MCTP1: variants seen among roughly 807,000 people sequenced by gnomAD.
MCTP1 encodes the protein multiple C2 and transmembrane domain containing 1, also known as multiple C2 and transmembrane domain-containing protein 1.
In MCTP1, 69 loss-of-function variants were observed where a neutral mutation model predicts 120.6. That is an observed-to-expected ratio of 0.57 (90% CI 0.47 to 0.70). MCTP1 has a LOEUF of 0.70. Among genes scored for constraint, MCTP1 ranks in the 30% least tolerant of loss-of-function variants. MCTP1 has a pLI of 0.00. For missense variants in MCTP1, 1,203 were observed against 1,248.8 expected (o/e 0.96, Z 0.55); for synonymous variants, 529 against 493.1 (o/e 1.07, Z -0.96).
Position 94,827,565 on chromosome 5 carries a change from A to C in MCTP1, c.2437-28433T>G, listed in dbSNP as rs114691302. On this transcript the variant is annotated intron_variant, in intron 17 of 22. Transcript: ENST00000515393. ...CCCAATATCCCGAAGTGTATTTTCC[A>C]ACTTGGTTGCATTTTCCATGTCACC... Among the ~76,000 whole-genome samples, 648 of 152,248 alleles carry C rather than the reference A, an allele frequency of 4.3e-3. 5 individuals are homozygous for C. The highest frequency in any genetic ancestry group is 0.015 in the African/African-American group (626 of 41,532).
intron 1 of MCTP1, among the ~76,000 whole-genome samples, chr5:95,061,409 T>TTGG: frequency 1.8e-4 from 1 of 5,508 alleles, no homozygotes; most frequent in Non-Finnish European, 3.4e-4. Flanking sequence ...CCCTTAAGGG[T>TTGG]TTTTTTTTTT....
At chr5:94,931,246 T>C (rs1223416272) in intron 6 of MCTP1, 1 of 152,162 alleles carries the variant, frequency 6.6e-6, no homozygotes, top group Non-Finnish European at 1.5e-5. Context: ...AAAGGAATAC[T>C]GACTCTAAGT....
Position 95,193,782 on chromosome 5 carries a change from A to T in MCTP1, c.720+90074T>A, listed in dbSNP as rs146705326. ...ACATATGGATATCACAGGAGTGGTGACAGGTAGATAAAATTTATCACTTTT... is the reference window on the plus strand; with the variant it reads ...ACATATGGATATCACAGGAGTGGTGTCAGGTAGATAAAATTTATCACTTTT... On this transcript the variant is annotated intron_variant, in intron 1 of 22. Coordinates refer to ENST00000515393, the MANE Select transcript of MCTP1 (RefSeq NM_024717.7). Among the ~76,000 whole-genome samples the T allele has an allele frequency of 1.4e-3, 211 of 152,346 alleles. 1 individual carries two copies. Among genetic ancestry groups the T allele is most frequent in the African/African-American group, 4.7e-3 (194 of 41,592 alleles).
chr5:94,917,028 T>C (rs1344564051), intron 8 of MCTP1, among the ~76,000 whole-genome samples: 5 of 152,222 alleles, frequency 3.3e-5, no homozygotes, highest in African/African-American at 7.2e-5. Context: ...TAGGGAAGCA[T>C]ATTGGTCTAG....
chr5:94,761,524 T>G (rs1434499319), intron 19 of MCTP1, among the ~76,000 whole-genome samples: 3 of 152,200 alleles, frequency 2.0e-5, no homozygotes, highest in African/African-American at 7.2e-5. Context: ...TGAAGGCACC[T>G]TGTTTGTATA....
chr5:95,019,277 T>C (rs942743680), intron 1 of MCTP1, among the ~76,000 whole-genome samples: 2 of 152,110 alleles, frequency 1.3e-5, no homozygotes, highest in Non-Finnish European at 2.9e-5. Flanking sequence ...CCTTTTGTTT[T>C]GTTTTGTGGT....
At chr5:94,979,812 G>A (rs930675620) in intron 2 of MCTP1, among the ~76,000 whole-genome samples, 1 of 151,948 alleles carries the variant, frequency 6.6e-6, no homozygotes, top group Non-Finnish European at 1.5e-5. Flanking sequence ...CATAATAAGA[G>A]CAAGAAAAAC....
chr5:94,851,130 A>G (rs913380413), intron 17 of MCTP1, among the ~76,000 whole-genome samples: 1 of 152,134 alleles, frequency 6.6e-6, no homozygotes, highest in African/African-American at 2.4e-5. Flanking sequence ...ATTCTCACTA[A>G]TCTATAAAAC....
rs548070922 is a variant in MCTP1 at position 94,714,812 on chromosome 5, T to C, written c.2685A>G (p.Leu895=). 45 of 1,612,036 alleles carry C rather than the reference T, an allele frequency of 2.8e-5. No individual in the cohort carries two copies. The South Asian group carries it at 4.5e-4, about 16-fold the overall frequency. ...QEVCVSVQNI[L]DEVASFGERI... is the part of the protein sequence containing the mutation. The stretch of plus-strand genomic sequence containing the variant: ...TTTCGCCAAAGGAAGCCACTTCATC[T>C]AGGATGTTCTGGACACTGACACATA... The change falls in exon 20 of 23, where the codon CTA becomes CTG. Residue 895 remains leucine (L), a synonymous_variant. Coordinates refer to ENST00000515393, the MANE Select transcript of MCTP1 (RefSeq NM_024717.7).
chr5:94,936,544 T>C (rs1355740276), intron 5 of MCTP1, among the ~76,000 whole-genome samples: 3 of 152,056 alleles, frequency 2.0e-5, no homozygotes, highest in African/African-American at 7.2e-5. Context: ...CACAAGTCAC[T>C]GAACACTTAG....
chr5:95,153,748 T>C (rs1335354372), intron 1 of MCTP1, among the ~76,000 whole-genome samples: 1 of 152,214 alleles, frequency 6.6e-6, no homozygotes, highest in Non-Finnish European at 1.5e-5. Context: ...CAAGAAGTAC[T>C]GAGACAGAAT....
chr5:94,955,105 C>A (rs62364688), intron 2 of MCTP1, among the ~76,000 whole-genome samples: 1 of 152,118 alleles, frequency 6.6e-6, no homozygotes, highest in African/African-American at 2.4e-5. Flanking sequence ...GGGTGCAGCC[C>A]ACAGAGGGTG....
At chr5:95,022,915 A>C (rs1379298896) in intron 1 of MCTP1, among the ~76,000 whole-genome samples, 3 of 152,064 alleles carry the variant, frequency 2.0e-5, no homozygotes, top group African/African-American at 7.2e-5. Flanking sequence ...ATGGGAGAAG[A>C]CTCTCAGGAG....
chr5:94,827,711 A>G (rs1787513560), intron 17 of MCTP1, among the ~76,000 whole-genome samples: 1 of 151,054 alleles, frequency 6.6e-6, no homozygotes, highest in Admixed American at 6.6e-5. Flanking sequence ...TTTTTCATTA[A>G]GTTGATCTTC....
chr5:94,995,646 T>A (rs2153626456), intron 2 of MCTP1, among the ~76,000 whole-genome samples: 1 of 152,334 alleles, frequency 6.6e-6, no homozygotes, highest in South Asian at 2.1e-4. Flanking sequence ...GATAGAACTT[T>A]TCTTTTTGAC....
At chr5:95,247,250 T>C (rs1176899293) in intron 1 of MCTP1, among the ~76,000 whole-genome samples, 3 of 152,180 alleles carry the variant, frequency 2.0e-5, no homozygotes, top group Non-Finnish European at 4.4e-5. Context: ...CCCTGTATCA[T>C]TTTTTATTGC....
chr5:95,094,980 A>AT (rs1209693405), intron 1 of MCTP1, among the ~76,000 whole-genome samples: 2 of 51,326 alleles, frequency 3.9e-5, no homozygotes, highest in Admixed American at 1.8e-4. Flanking sequence ...AAGGCAAGCT[A>AT]TTTTTTCTTT....
At chr5:95,247,350 A>G (rs1756911492) in intron 1 of MCTP1, among the ~76,000 whole-genome samples, 1 of 151,858 alleles carries the variant, frequency 6.6e-6, no homozygotes, top group Admixed American at 6.6e-5. Flanking sequence ...CAGCTCCTGG[A>G]TTCATTGATT....
At chr5:95,132,271 G>C (rs1759102232) in intron 1 of MCTP1, among the ~76,000 whole-genome samples, 1 of 151,926 alleles carries the variant, frequency 6.6e-6, no homozygotes, top group African/African-American at 2.4e-5. Context: ...ACAGTGTTTT[G>C]TTTTGCCAGC....
Sources: gnomAD v4.1 joint callset for allele counts (sites outside exome capture counted in the v4.1 genomes callset) on GRCh38, gnomAD v4.1.1 for gene constraint, MANE v1.5 for transcripts, NCBI Gene and HGNC (gene_info 2026-07-23, HGNC 2026-07-21) for gene names.